WDR1: variants seen among roughly 807,000 people sequenced by gnomAD.
WDR1 encodes the protein WD repeat domain 1, also known as WD repeat-containing protein 1.
In WDR1, 21 loss-of-function variants were observed where a neutral mutation model predicts 71.9. The ratio of observed to expected loss-of-function variants is 0.29; its 90% CI spans 0.21 to 0.42. The LOEUF (loss-of-function observed/expected upper bound fraction) is 0.42, where lower values mean the gene tolerates loss of function less well. Ranked by LOEUF, WDR1 falls within the 10% of genes least tolerant of loss-of-function variation. The pLI, the probability that WDR1 is intolerant of heterozygous loss-of-function variation, is 1.00. For synonymous variants in WDR1, 424 were observed against 347.4 expected (o/e 1.22, Z -2.45); for missense variants, 696 against 824.5 (o/e 0.84, Z 1.91).
chr4:10,079,729 G>A (rs1244441451), intron 11 of WDR1, among the ~76,000 whole-genome samples: 1 of 152,222 alleles, frequency 6.6e-6, no homozygotes, highest in Non-Finnish European at 1.5e-5. Context: ...GGCAGCCTCT[G>A]CCCCTACCGT....
intron 4 of WDR1, among the ~76,000 whole-genome samples, chr4:10,098,694 T>C (rs1349428953): frequency 6.6e-6 from 1 of 152,264 alleles, no homozygotes; most frequent in Non-Finnish European, 1.5e-5. Flanking sequence ...TCTTTCACTC[T>C]GTCCCCTTCT....
At chr4:10,080,974 C>T (rs998104370) in intron 11 of WDR1, among the ~76,000 whole-genome samples, 11 of 152,106 alleles carry the variant, frequency 7.2e-5, no homozygotes, top group Admixed American at 2.0e-4. Context: ...AGGTAAATGC[C>T]GGAGGTCACA....
chr4:10,084,268 T>C (rs954565514), intron 9 of WDR1, among the ~76,000 whole-genome samples, 175 bp downstream of exon 9: 3 of 152,090 alleles, frequency 2.0e-5, no homozygotes, highest in African/African-American at 4.8e-5. Flanking sequence ...CAGGGGACAG[T>C]TGCCTGTCCC....
intron 3 of WDR1, among the ~76,000 whole-genome samples, chr4:10,100,624 C>A (rs1712628992): frequency 6.6e-6 from 1 of 152,198 alleles, no homozygotes; most frequent in South Asian, 2.1e-4. Flanking sequence ...ATCCAGTGAA[C>A]AGCACTAACT....
At chr4:10,116,329 A>C (rs1451467437) in intron 1 of WDR1, 95 bp from the exon 2 acceptor site, 33 of 1,531,856 alleles carry the variant, frequency 2.2e-5, no homozygotes, top group Non-Finnish European at 2.8e-5. Flanking sequence ...TCGGCCGGTC[A>C]CCTGTTGACT....
rs1764735033 is a variant in WDR1, at chr4:10,074,812, CAT to C, written c.*564_*565del. 1.3e-5 allele frequency: 2 copies of C among 152,938 alleles called. No homozygotes were observed. The highest frequency in any genetic ancestry group is 4.8e-5 in the African/African-American group (2 of 41,474). 9.5% of individuals were successfully genotyped at this position (152,938 alleles called of 1,614,324 possible). On this transcript the variant is annotated 3_prime_UTR_variant, in exon 15 of 15. Transcript: ENST00000499869. ...TCAAGCACAAAATCTGACAATGAAA[CAT>C]ATCCAGGGGTTGTGTGTCCCCATCT...
In WDR1 at chr4:10,075,369, T is replaced by C. The variant is rs768841654; in HGVS notation, c.*9A>G. ...GATTCGGTCCATCCAGAGGCGGGGG[T>C]GGGGCTCCTCAGTAGGTGATTGTCC... is the stretch of plus-strand genomic sequence containing the variant. On this transcript the variant is annotated 3_prime_UTR_variant, in exon 15 of 15. Coordinates refer to ENST00000499869, the MANE Select transcript of WDR1 (RefSeq NM_017491.5). 15 of 1,551,044 alleles carry C rather than the reference T, an allele frequency of 9.7e-6. No homozygotes were observed. The South Asian group carries it at 1.7e-4, about 17-fold the overall frequency.
chr4:10,115,830 T>C (rs1713683768), intron 2 of WDR1: 4 of 385,858 alleles, frequency 1.0e-5, no homozygotes, highest in Non-Finnish European at 4.8e-6. Context: ...CTGACCGTGC[T>C]TAGCTTCCAA....
rs771946416 is a variant in WDR1 at position 10,077,333 on chromosome 4, C to T, written c.1685G>A (p.Ser562Asn). 6.2e-7 allele frequency: 1 copy of T among 1,614,014 alleles called. No homozygotes were observed. Among genetic ancestry groups the T allele is most frequent in the Non-Finnish European group, 8.5e-7 (1 of 1,179,872 alleles). Residue 562 changes from serine to asparagine, a missense_variant, in exon 14 of 15, where the codon AGT (serine) becomes AAT (asparagine). Transcript: ENST00000499869. ...MDMMVYVWTL[S>N]DPETRVKIQD... Reference sequence around the variant, plus strand: ...GATCTTGACTCTGGTTTCCGGGTCACTCAGGGTCCAAACATACACCATCAT... The same window carrying T: ...GATCTTGACTCTGGTTTCCGGGTCATTCAGGGTCCAAACATACACCATCAT...
At chr4:10,102,743 C>T (rs1192108876) in intron 3 of WDR1, among the ~76,000 whole-genome samples, 4 of 152,170 alleles carry the variant, frequency 2.6e-5, no homozygotes, top group East Asian at 3.9e-4. Flanking sequence ...GCTGTGCACA[C>T]GCAGGATGGT....
In WDR1 at chr4:10,116,703, G is replaced by A. The variant is rs1172723247; in HGVS notation, c.-37C>T. 4 of 1,340,384 alleles carry A rather than the reference G, an allele frequency of 3.0e-6. No homozygotes were observed. In the African/African-American group the frequency reaches 4.6e-5, roughly 15 times the overall value. The allele number at this position is 1,340,384 out of a possible 1,614,324, so 83.0% of individuals were successfully genotyped here. A position where few individuals can be genotyped will look rare whatever the true frequency, so the allele number is the denominator to read the frequency against. On this transcript the variant is annotated 5_prime_UTR_variant, in exon 1 of 15. Coordinates refer to ENST00000499869, the MANE Select transcript of WDR1 (RefSeq NM_017491.5). Reference sequence around the variant, plus strand: ...TGTTACCGCGCCGCGCTCGCCGAGAGCCTCCGGGGCCGGCCCGCGCTGCGA... The same window carrying A: ...TGTTACCGCGCCGCGCTCGCCGAGAACCTCCGGGGCCGGCCCGCGCTGCGA...
chr4:10,083,958 A>G (rs1250419599), intron 9 of WDR1, among the ~76,000 whole-genome samples: 1 of 152,254 alleles, frequency 6.6e-6, no homozygotes, highest in African/African-American at 2.4e-5. Context: ...TCTGTGGACC[A>G]CAGGCTGCAT....
intron 14 of WDR1, chr4:10,077,007 C>A (rs567262025): frequency 4.9e-4 from 188 of 384,616 alleles, no homozygotes; most frequent in Non-Finnish European, 7.6e-4. Flanking sequence ...GAGGGGGAGA[C>A]CCTGGTCCCA....
At chr4:10,105,306 A>C (rs1384723034) in intron 2 of WDR1, among the ~76,000 whole-genome samples, 1 of 152,040 alleles carries the variant, frequency 6.6e-6, no homozygotes, top group African/African-American at 2.4e-5. Flanking sequence ...CCTTTATCTC[A>C]CTAGCCATCT....
At chr4:10,081,558 C>T (rs1265607207) in intron 10 of WDR1, 114 bp from the exon 11 acceptor site, 9 of 886,596 alleles carry the variant, frequency 1.0e-5, no homozygotes, top group Non-Finnish European at 1.1e-5. Context: ...ATTCTATTGC[C>T]ACCTATACTG....
chr4:10,085,292 GGT>G (rs1765168464), intron 8 of WDR1, among the ~76,000 whole-genome samples: 1 of 152,234 alleles, frequency 6.6e-6, no homozygotes, highest in East Asian at 1.9e-4. Flanking sequence ...TGATCTCTGT[GGT>G]ATGCCACATG....
At chr4:10,078,756 C>T (rs1181294625) in intron 12 of WDR1, 135 bp downstream of exon 12, 18 of 710,676 alleles carry the variant, frequency 2.5e-5, no homozygotes, top group African/African-American at 3.7e-5. Context: ...GCAGGTCCCA[C>T]GCCCCGACTG....
rs73807218 is a variant in WDR1 at position 10,106,144 on chromosome 4, C to T, written c.139-2158G>A. Among the ~76,000 whole-genome samples, 258 of 152,206 alleles carry T rather than the reference C, an allele frequency of 1.7e-3. 1 individual carries two copies. Among genetic ancestry groups the T allele is most frequent in the African/African-American group, 6.1e-3 (252 of 41,522 alleles). ...GGGCGGGGGGCACCCTCCGGAGTGA[C>T]AGGAATGTTCTGTCATGACAGGGGT... On this transcript the variant is annotated intron_variant, in intron 2 of 14. Transcript: ENST00000499869.
chr4:10,089,769 C>T (rs1402337374), intron 5 of WDR1, among the ~76,000 whole-genome samples: 3 of 152,232 alleles, frequency 2.0e-5, no homozygotes, highest in Non-Finnish European at 4.4e-5. Context: ...GCCCCGCGCT[C>T]TAAGTAAATC....
Sources: allele counts gnomAD v4.1 joint callset (sites outside exome capture counted in the v4.1 genomes callset), GRCh38; gene constraint gnomAD v4.1.1; transcripts MANE v1.5; gene names NCBI Gene and HGNC (gene_info 2026-07-23, HGNC 2026-07-21).